The following ATXN1 variants were observed in gnomAD, a reference collection of about 807,000 sequenced individuals.
The protein encoded by ATXN1 is ataxin 1, also known as ataxin-1.
Under a neutral mutation model 56.4 loss-of-function variants are expected in ATXN1, and 8 were observed. The observed-to-expected ratio is 0.14, with a 90% CI of 0.08 to 0.26. The LOEUF is 0.26. Among genes scored for constraint, ATXN1 ranks in the 10% least tolerant of loss-of-function variants. ATXN1 has a pLI of 1.00. For missense variants in ATXN1, 987 were observed against 1,106.5 expected, an observed-to-expected ratio of 0.89 and a Z score of 1.53; for synonymous variants, 514 against 494.6, an observed-to-expected ratio of 1.04 and a Z score of -0.52.
intron 2 of ATXN1, among the ~76,000 whole-genome samples, chr6:16,672,383 T>C (rs945839312): frequency 1.3e-5 from 2 of 152,214 alleles, no homozygotes; most frequent in Admixed American, 1.3e-4. Context: ...TTTTGCTACA[T>C]CTAGCTCAAG....
chr6:16,595,916 T>C (rs1762805511), intron 3 of ATXN1, among the ~76,000 whole-genome samples: 1 of 152,232 alleles, frequency 6.6e-6, no homozygotes. Context: ...TTTAAGCTAG[T>C]GAGCTGGAAC....
intron 2 of ATXN1, among the ~76,000 whole-genome samples, chr6:16,728,543 C>A (rs192766066): frequency 6.6e-6 from 1 of 152,312 alleles, no homozygotes; most frequent in Non-Finnish European, 1.5e-5. Flanking sequence ...CACGCCATCA[C>A]CCATATGCCT....
chr6:16,421,785 T>G (rs144370432), intron 6 of ATXN1, among the ~76,000 whole-genome samples: 3,367 of 152,216 alleles, frequency 0.022, 52 homozygotes, highest in Non-Finnish European at 0.036. Context: ...TGTGCAGGCG[T>G]TGATATGCAT....
intron 2 of ATXN1, among the ~76,000 whole-genome samples, chr6:16,660,085 T>G (rs1758285636): frequency 6.6e-6 from 1 of 152,248 alleles, no homozygotes; most frequent in Admixed American, 6.5e-5. Context: ...GAGGCAACTC[T>G]TATCAAAAGA....
At chr6:16,334,808 CA>C (rs1163975859) in intron 6 of ATXN1, among the ~76,000 whole-genome samples, 7 of 152,252 alleles carry the variant, frequency 4.6e-5, no homozygotes, top group Middle Eastern at 3.4e-3. Context: ...AATCCTGCTG[CA>C]AAGGCACGTG....
chr6:16,753,273 G>A lies in ATXN1; in HGVS notation c.-655C>T, dbSNP rs1437501292. 1 of 456,732 alleles carries A rather than the reference G, an allele frequency of 2.2e-6. No individual in the cohort carries two copies. The highest frequency in any genetic ancestry group is 4.4e-6 in the Non-Finnish European group (1 of 226,992). The allele number at this position is 456,732 out of a possible 1,614,324, so 28.3% of individuals were successfully genotyped here. A position where few individuals can be genotyped will look rare whatever the true frequency, so the allele number is the denominator to read the frequency against. Reference sequence around the variant, plus strand: ...CTTCCCTGTAGTGGCAGTGGAGGAGGAGATTGCTGTACAAGGATGACAAAC... The same window carrying A: ...CTTCCCTGTAGTGGCAGTGGAGGAGAAGATTGCTGTACAAGGATGACAAAC... On this transcript the variant is annotated 5_prime_UTR_variant, in exon 2 of 8. Coordinates refer to ENST00000436367, the MANE Select transcript of ATXN1 (RefSeq NM_001128164.2).
At chr6:16,438,609 T>C (rs1020158732) in intron 6 of ATXN1, among the ~76,000 whole-genome samples, 2 of 152,230 alleles carry the variant, frequency 1.3e-5, no homozygotes, top group Non-Finnish European at 1.5e-5. Context: ...ACCAAGATAT[T>C]GTCTTTCTGT....
chr6:16,489,847 C>T (rs564775962), intron 5 of ATXN1, among the ~76,000 whole-genome samples: 1 of 152,210 alleles, frequency 6.6e-6, no homozygotes, highest in Non-Finnish European at 1.5e-5. Flanking sequence ...ATAGAAATGG[C>T]TAGAGGGTCT....
intron 4 of ATXN1, among the ~76,000 whole-genome samples, chr6:16,560,180 G>C (rs1762090486): frequency 6.6e-6 from 1 of 152,198 alleles, no homozygotes; most frequent in Non-Finnish European, 1.5e-5. Context: ...ATGGTCATCA[G>C]TTAGGGTTAG....
At chr6:16,426,976 C>T (rs556534004) in intron 6 of ATXN1, among the ~76,000 whole-genome samples, 3 of 152,152 alleles carry the variant, frequency 2.0e-5, no homozygotes, top group South Asian at 2.1e-4. Flanking sequence ...TTCAATGCCG[C>T]TCACCTAAAG....
chr6:16,553,026 T>C (rs1453092923), intron 4 of ATXN1, among the ~76,000 whole-genome samples: 2 of 152,232 alleles, frequency 1.3e-5, no homozygotes, highest in East Asian at 3.8e-4. Context: ...GACTTTCCAA[T>C]CTTTTCGGAG....
intron 1 of ATXN1, among the ~76,000 whole-genome samples, chr6:16,755,358 C>G (rs1051567790): frequency 1.3e-5 from 2 of 152,118 alleles, no homozygotes; most frequent in Admixed American, 1.3e-4. Context: ...AAATAATATA[C>G]CAGAAAATAA....
intron 6 of ATXN1, among the ~76,000 whole-genome samples, chr6:16,436,887 G>T (rs1234820007): frequency 6.6e-6 from 1 of 152,184 alleles, no homozygotes; most frequent in Non-Finnish European, 1.5e-5. Context: ...CTGAGAAGAA[G>T]CAGAGAGACT....
intron 5 of ATXN1, among the ~76,000 whole-genome samples, chr6:16,514,338 A>G (rs559293005): frequency 6.6e-6 from 1 of 152,194 alleles, no homozygotes; most frequent in Admixed American, 6.5e-5. Flanking sequence ...CCAACCGGCA[A>G]GACATTACCC....
chr6:16,704,245 T>C (rs1759357063), intron 2 of ATXN1, among the ~76,000 whole-genome samples: 1 of 152,186 alleles, frequency 6.6e-6, no homozygotes, highest in African/African-American at 2.4e-5. Flanking sequence ...TAAGTACAGT[T>C]TCCATTTCTA....
chr6:16,322,414 G>C (rs146433968), intron 7 of ATXN1, among the ~76,000 whole-genome samples: 55 of 152,096 alleles, frequency 3.6e-4, no homozygotes, highest in African/African-American at 1.3e-3. Flanking sequence ...ATGTTGGGGG[G>C]GTCTTATGAG....
intron 2 of ATXN1, among the ~76,000 whole-genome samples, chr6:16,711,835 C>A (rs950168964): frequency 6.6e-6 from 1 of 152,178 alleles, no homozygotes; most frequent in Non-Finnish European, 1.5e-5. Flanking sequence ...CCAGGCTGAT[C>A]TCGAACTTCT....
intron 4 of ATXN1, among the ~76,000 whole-genome samples, chr6:16,584,239 TATATACACAC>T (rs747971405): frequency 3.1e-5 from 4 of 127,538 alleles, no homozygotes; most frequent in Admixed American, 8.5e-5. Flanking sequence ...TATATATATA[TATATACACAC>T]ACACACACAC....
At chr6:16,338,567 A>G (rs2113435504) in intron 6 of ATXN1, among the ~76,000 whole-genome samples, 1 of 152,372 alleles carries the variant, frequency 6.6e-6, no homozygotes, top group African/African-American at 2.4e-5. Context: ...CATTTCAACA[A>G]TGTGTAAAGT....
Sources: allele counts gnomAD v4.1 joint callset (sites outside exome capture counted in the v4.1 genomes callset), GRCh38; gene constraint gnomAD v4.1.1; transcripts MANE v1.5; gene names NCBI Gene and HGNC (gene_info 2026-07-23, HGNC 2026-07-21).